CYFIP1: variants seen among roughly 807,000 people sequenced by gnomAD.
CYFIP1 encodes cytoplasmic FMR1-interacting protein 1.
Under a neutral mutation model 163.5 loss-of-function variants are expected in CYFIP1, and 58 were observed. The ratio of observed to expected loss-of-function variants is 0.35; its 90% CI spans 0.29 to 0.44. The LOEUF (loss-of-function observed/expected upper bound fraction) is 0.44. Ranked by LOEUF, CYFIP1 falls within the 20% of genes least tolerant of loss-of-function variation. CYFIP1 has a pLI of 1.00. For synonymous variants in CYFIP1, 663 were observed against 660.7 expected (o/e 1.00, Z -0.05); for missense variants, 1,338 against 1,653.8 (o/e 0.81, Z 3.31).
At position 22,910,635 on chromosome 15, in the gene CYFIP1, T is replaced by G; in HGVS notation, c.2160-7A>C. The G allele has an allele frequency of 6.2e-7, 1 of 1,613,182 alleles. No individual in the cohort carries two copies. Among genetic ancestry groups the G allele is most frequent in the Non-Finnish European group, 8.5e-7 (1 of 1,179,106 alleles). On this transcript the variant is annotated splice_polypyrimidine_tract_variant and splice_region_variant and intron_variant, in intron 19 of 30. Coordinates refer to ENST00000617928, the MANE Select transcript of CYFIP1 (RefSeq NM_014608.6). Reference sequence around the variant, plus strand: ...CCGTTTATCAAGAAGCAAACTAGTGTAGAAGGAAGACAGAAAGTTTTTCAT... The same window carrying G: ...CCGTTTATCAAGAAGCAAACTAGTGGAGAAGGAAGACAGAAAGTTTTTCAT...
chr15:22,912,998 C>T (rs889281180), intron 17 of CYFIP1, among the ~76,000 whole-genome samples: 2 of 151,980 alleles, frequency 1.3e-5, no homozygotes, highest in African/African-American at 4.8e-5. Context: ...GAGTTTGAGA[C>T]CAGGTTGGAC....
Position 22,918,786 on chromosome 15 carries a change from G to GACCA in CYFIP1, c.1431_1432insTGGT (p.His478TrpfsTer17). On this transcript the variant is annotated frameshift_variant, in exon 14 of 31. Transcript: ENST00000617928. LOFTEE classifies it high-confidence loss of function. Reference sequence around the variant, plus strand: ...TCCTGCAGTGCGGCATAGACGGTGTGCCGGATGGCGTGGTTGAACACGCTC... The same window carrying GACCA: ...TCCTGCAGTGCGGCATAGACGGTGTGACCACCGGATGGCGTGGTTGAACACGCTC... The GACCA allele has an allele frequency of 6.2e-7, 1 of 1,613,550 alleles. No homozygotes were observed. Among genetic ancestry groups the GACCA allele is most frequent in the Admixed American group, 1.7e-5 (1 of 59,962 alleles).
Position 22,879,927 on chromosome 15 carries a change from T to C in CYFIP1, c.3028A>G (p.Ile1010Val). The change falls in exon 26 of 31, where the codon ATC (isoleucine) becomes GTC (valine). Residue 1010 changes from isoleucine (I) to valine (V), a missense_variant. Physicochemically the swap from Ile to Val is conservative, Grantham distance 29. Around this residue, in one of 4 missense-constraint regions of CYFIP1, gnomAD observed 306 missense variants for 322.1 expected, o/e 0.95. Transcript: ENST00000617928. ...GGGCCACTCACCAGGCTCTGCTCGA[T>C]GAGCAGGCAGAAGAGGATGGCGTTC... ...VGNAILFCLL[I>V]EQSLSLEEVC... The C allele has an allele frequency of 1.2e-6, 2 of 1,612,230 alleles. No homozygotes were observed. The highest frequency in any genetic ancestry group is 8.5e-7 in the Non-Finnish European group (1 of 1,179,808).
At chr15:22,898,521 G>A (rs1335256341) in intron 22 of CYFIP1, among the ~76,000 whole-genome samples, 3 of 152,036 alleles carry the variant, frequency 2.0e-5, no homozygotes, top group African/African-American at 7.3e-5. Flanking sequence ...TGTGTTTTAC[G>A]GTGGTAAAAA....
chr15:22,918,907 A>T lies in CYFIP1; in HGVS notation c.1360-49T>A, dbSNP rs757217913. On this transcript the variant is annotated intron_variant, in intron 13 of 30. Coordinates refer to ENST00000617928, the MANE Select transcript of CYFIP1 (RefSeq NM_014608.6). ...ACGGCCCTTCTTAGGGATGGCACCA[A>T]GCCTCCTCTGCCTGGCACATGCCGG... 4.8e-6 allele frequency: 7 copies of T among 1,456,600 alleles called. 1 individual carries two copies. The South Asian group carries it at 7.7e-5, about 16-fold the overall frequency. The allele number at this position is 1,456,600 out of a possible 1,614,324, so 90.2% of individuals were successfully genotyped here.
rs56857768 is a variant in CYFIP1 at position 22,965,036 on chromosome 15, T to TTGTGTGTGTGTGTG, written c.-7+15237_-7+15250dup. On this transcript the variant is annotated intron_variant, in intron 1 of 30. Coordinates refer to ENST00000617928, the MANE Select transcript of CYFIP1 (RefSeq NM_014608.6). ...TTTTTAAAGGCTGAATAGTATTCCA[T>TTGTGTGTGTGTGTG]TGTGTGTGTGTGTGTGTGTGTGTGT... Among the ~76,000 whole-genome samples, 5 of 149,514 alleles carry TTGTGTGTGTGTGTG rather than the reference T, an allele frequency of 3.3e-5. No individual in the cohort carries two copies. The East Asian group carries it at 7.9e-4, about 24-fold the overall frequency.
At position 22,917,776 on chromosome 15, in the gene CYFIP1, A is replaced by G; in HGVS notation, c.1674+12T>C. On this transcript the variant is annotated intron_variant, in intron 15 of 30. Transcript: ENST00000617928. The surrounding 1 kb of genome is among the most constrained non-coding windows in gnomAD (Gnocchi z 4.2). ...AGGGAGAGGGTGCAGGCGGGGCTCA[A>G]GGGACGAGAACCTGAGTGCTGGAGG... 1 of 1,591,606 alleles carries G rather than the reference A, an allele frequency of 6.3e-7. No individual in the cohort carries two copies. Among genetic ancestry groups the G allele is most frequent in the Non-Finnish European group, 8.6e-7 (1 of 1,169,158 alleles).
chr15:22,979,492 A>G (rs1042902987), intron 1 of CYFIP1, among the ~76,000 whole-genome samples: 12 of 151,862 alleles, frequency 7.9e-5, no homozygotes, highest in Admixed American at 6.6e-4. Context: ...AGCGGCGACC[A>G]CGCGGCGCTG....
At chr15:22,932,200 C>T (rs766641931) in intron 11 of CYFIP1, 23 bp downstream of exon 11, 7 of 1,572,502 alleles carry the variant, frequency 4.5e-6, no homozygotes, top group Admixed American at 1.8e-5. Flanking sequence ...GGTGCCTGTG[C>T]AGCTCCAGGT....
At chr15:22,964,197 C>T (rs540853488) in intron 1 of CYFIP1, among the ~76,000 whole-genome samples, 2 of 145,370 alleles carry the variant, frequency 1.4e-5, no homozygotes, top group Non-Finnish European at 3.0e-5. Context: ...AGAGCAGCTA[C>T]TTTCCCAGCC....
At chr15:22,909,146 A>G in intron 21 of CYFIP1, 48 bp downstream of exon 21, 1 of 1,596,896 alleles carries the variant, frequency 6.3e-7, no homozygotes, top group Non-Finnish European at 8.6e-7. Flanking sequence ...CAAGAACTGG[A>G]CCTACCCTTA....
intron 1 of CYFIP1, among the ~76,000 whole-genome samples, chr15:22,948,527 A>G (rs776700555): frequency 5.9e-5 from 9 of 152,346 alleles, no homozygotes; most frequent in South Asian, 2.1e-4. Flanking sequence ...ATCTCATATC[A>G]TAACATCCAA....
intron 1 of CYFIP1, among the ~76,000 whole-genome samples, chr15:22,955,958 C>G (rs2062435128): frequency 1.3e-5 from 2 of 152,144 alleles, no homozygotes; most frequent in Admixed American, 6.5e-5. Flanking sequence ...TGGCTCACTT[C>G]TCTAATCCCA....
Position 22,906,489 on chromosome 15 carries a change from G to C in CYFIP1, c.2389-2584C>G, listed in dbSNP as rs542497397. Among the ~76,000 whole-genome samples the C allele has an allele frequency of 4.1e-4, 46 of 113,204 alleles. 2 individuals are homozygous for C. The South Asian group carries it at 0.011, about 28-fold the overall frequency. 74.3% of individuals were successfully genotyped at this position (113,204 alleles called of 152,430 possible). A position where few individuals can be genotyped will look rare whatever the true frequency, so the allele number is the denominator to read the frequency against. Reference sequence around the variant, plus strand: ...TTTTTTTTTTTTTTTTTTTTGAGACGGAGTCTCGCTCTGTTGCCCAGGCTG... The same window carrying C: ...TTTTTTTTTTTTTTTTTTTTGAGACCGAGTCTCGCTCTGTTGCCCAGGCTG... On this transcript the variant is annotated intron_variant, in intron 21 of 30. Coordinates refer to ENST00000617928, the MANE Select transcript of CYFIP1 (RefSeq NM_014608.6).
At chr15:22,974,822 C>T (rs772262239) in intron 1 of CYFIP1, among the ~76,000 whole-genome samples, 49 of 152,166 alleles carry the variant, frequency 3.2e-4, no homozygotes, top group Non-Finnish European at 5.1e-4. Flanking sequence ...CCTGAAACAA[C>T]ACGTGTTTGA....
chr15:22,916,797 G>C (rs1340794717), intron 15 of CYFIP1, 167 bp from the exon 16 acceptor site: 22 of 1,576,242 alleles, frequency 1.4e-5, no homozygotes, highest in Non-Finnish European at 1.8e-5. Context: ...CGGCCACGTT[G>C]CTGCTGCTTT....
At chr15:22,923,617 T>C (rs1013140120) in intron 13 of CYFIP1, among the ~76,000 whole-genome samples, 4 of 151,644 alleles carry the variant, frequency 2.6e-5, no homozygotes, top group African/African-American at 9.7e-5. Flanking sequence ...TCAAAAGAAA[T>C]GAAAACCAGC....
chr15:22,890,139 TA>T (rs375604535), intron 23 of CYFIP1, among the ~76,000 whole-genome samples: 1,605 of 137,662 alleles, frequency 0.012, 8 homozygotes, highest in Non-Finnish European at 0.016. Flanking sequence ...CCATCTCTAC[TA>T]AAAAAAAAAA....
intron 22 of CYFIP1, 22 bp downstream of exon 22, chr15:22,903,684 C>T (rs1397572293): frequency 1.2e-6 from 2 of 1,613,090 alleles, no homozygotes; most frequent in Admixed American, 1.7e-5. Context: ...CCTGTGGGCG[C>T]CTGTGTGGCG....
Sources: gnomAD v4.1 joint callset for allele counts (sites outside exome capture counted in the v4.1 genomes callset) on GRCh38, gnomAD v4.1.1 for gene constraint, gnomAD v4.1.1 regional missense constraint, Gnocchi (gnomAD v3.1) non-coding constraint, MANE v1.5 for transcripts, NCBI Gene and HGNC (gene_info 2026-07-23, HGNC 2026-07-21) for gene names.